KLC2: variants seen among roughly 807,000 people sequenced by gnomAD.
The protein encoded by KLC2 is KLC 2.
In KLC2, 35 loss-of-function variants were observed where a neutral mutation model predicts 75.1. The ratio of observed to expected loss-of-function variants is 0.47; its 90% CI spans 0.36 to 0.62. KLC2 has a LOEUF of 0.62. Among genes scored for constraint, KLC2 ranks in the 20% least tolerant of loss-of-function variants. KLC2 has a pLI of 0.00. For synonymous variants in KLC2, 314 were observed against 336.7 expected, an observed-to-expected ratio of 0.93 and a Z score of 0.74; for missense variants, 611 against 833.2, an observed-to-expected ratio of 0.73 and a Z score of 3.28.
the KLC2 span, among the ~76,000 whole-genome samples, chr11:66,247,555 G>A: frequency 6.6e-6 from 1 of 151,958 alleles, no homozygotes; most frequent in African/African-American, 2.4e-5. Flanking sequence ...CCTCAGGCCC[G>A]TGTGGCTTGC....
intron 2 of KLC2, chr11:66,260,881 C>T (rs1004048117): frequency 2.6e-5 from 4 of 152,076 alleles, no homozygotes; most frequent in Non-Finnish European, 5.9e-5. Flanking sequence ...AGGCGTGAGC[C>T]ACCGTGCCTG....
At chr11:66,257,417 C>T (rs918992671), upstream of KLC2, 3 of 152,468 alleles carry the variant, frequency 2.0e-5, no homozygotes, top group African/African-American at 7.2e-5. Context: ...CTCTGTACTC[C>T]AGGAAGCCCA....
In KLC2 at chr11:66,261,873, G is replaced by A. The variant is rs1856453759; in HGVS notation, c.360G>A (p.Leu120=). ...AGCTGGCGGGGACACAGCAGAAGCT[G>A]CAGCGCAGTGAGCAGGCCGTGGCCC... ...REELAGTQQK[L]QRSEQAVAQL... The change falls in exon 3 of 16, where the codon CTG becomes CTA. Residue 120 remains leucine, a synonymous_variant. Transcript: ENST00000394067. The A allele has an allele frequency of 6.2e-7, 1 of 1,614,174 alleles. No individual in the cohort carries two copies. The highest frequency in any genetic ancestry group is 8.5e-7 in the Non-Finnish European group (1 of 1,180,038).
rs1291400587 is a variant in KLC2 at position 66,267,723 on chromosome 11, C to T, written c.*767C>T. 9.9e-6 allele frequency: 5 copies of T among 506,298 alleles called. No homozygotes were observed. Among genetic ancestry groups the T allele is most frequent in the African/African-American group, 2.0e-5 (1 of 49,368 alleles). 31.4% of individuals were successfully genotyped at this position (506,298 alleles called of 1,614,324 possible). On this transcript the variant is annotated 3_prime_UTR_variant, in exon 16 of 16. Transcript: ENST00000394067. ...CGCCCACCGAGCCATCCTGCCTCGCCTCCCCCCACGCCTGCAGCTTCTCGC... is the reference window on the plus strand; with the variant it reads ...CGCCCACCGAGCCATCCTGCCTCGCTTCCCCCCACGCCTGCAGCTTCTCGC...
chr11:66,257,271 A>G (rs1856077830), upstream of KLC2: 1 of 152,162 alleles, frequency 6.6e-6, no homozygotes, highest in African/African-American at 2.4e-5. Flanking sequence ...TGACCCCGGG[A>G]TGCGGAGCCT....
rs1856186059 is a variant in KLC2, at chr11:66,258,751, G to C, written c.157G>C (p.Gly53Arg). The change falls in exon 2 of 16, where the codon GGC becomes CGC. Residue 53 changes from glycine (G) to arginine (R), a missense_variant. Coordinates refer to ENST00000394067, the MANE Select transcript of KLC2 (RefSeq NM_001318734.2). ...VAPEAGEAEP[G>R]SQERCILLRR... ...ACCTGAGGCCGGCGAAGCCGAGCCT[G>C]GCTCGCAGGAGCGCTGCATCCTCCT... The C allele has an allele frequency of 1.2e-6, 2 of 1,613,504 alleles. No individual in the cohort carries two copies. Among genetic ancestry groups the C allele is most frequent in the Non-Finnish European group, 1.7e-6 (2 of 1,180,018 alleles).
chr11:66,252,782 T>C (rs896262960), upstream of KLC2, among the ~76,000 whole-genome samples: 2 of 151,460 alleles, frequency 1.3e-5, no homozygotes, highest in African/African-American at 2.4e-5. Flanking sequence ...GGCTGGGAGG[T>C]CACAAGGAAG....
chr11:66,266,354 C>A (rs910147635), intron 14 of KLC2, 79 bp from the exon 15 acceptor site: 6 of 1,486,870 alleles, frequency 4.0e-6, no homozygotes, highest in South Asian at 1.3e-5. Context: ...CTGTTCCCTC[C>A]CCAGCCCCAC....
chr11:66,263,995 A>AG (rs1362798020), intron 7 of KLC2, 43 bp downstream of exon 7: 3 of 1,611,978 alleles, frequency 1.9e-6, no homozygotes, highest in African/African-American at 2.7e-5. Flanking sequence ...TCTGGGAGGC[A>AG]GGGGCCCGGG....
chr11:66,259,333 T>C (rs1172543154), intron 2 of KLC2, among the ~76,000 whole-genome samples: 3 of 152,270 alleles, frequency 2.0e-5, no homozygotes, highest in Non-Finnish European at 4.4e-5. Context: ...CAGCGAGTCT[T>C]GTCTACTGGT....
chr11:66,266,565 G>A (rs1326707403), intron 15 of KLC2, 75 bp downstream of exon 15: 3 of 1,409,884 alleles, frequency 2.1e-6, no homozygotes, highest in Middle Eastern at 1.7e-4. Flanking sequence ...CTTCCCTCCA[G>A]CATGCCTCTT....
chr11:66,262,312 T>C, intron 4 of KLC2, 120 bp downstream of exon 4: 1 of 766,240 alleles, frequency 1.3e-6, no homozygotes, highest in Middle Eastern at 3.1e-4. Flanking sequence ...CCTAGTGTGT[T>C]AGAGCTTCAA....
intron 8 of KLC2, 60 bp downstream of exon 8, chr11:66,264,279 G>A (rs1856653874): frequency 1.3e-6 from 2 of 1,567,506 alleles, no homozygotes; most frequent in South Asian, 2.3e-5. Flanking sequence ...ATGAGGTTGG[G>A]GAAGAAGGAG....
intron 15 of KLC2, 167 bp downstream of exon 15, chr11:66,266,657 C>T: frequency 1.1e-6 from 1 of 870,614 alleles, no homozygotes; most frequent in Non-Finnish European, 1.9e-6. Flanking sequence ...CCAGCCTCTC[C>T]TGGGGGTGGA....
At position 66,265,776 on chromosome 11, in the gene KLC2, G is replaced by A; in HGVS notation, c.1443+13G>A. 6.2e-7 allele frequency: 1 copy of A among 1,612,070 alleles called. No individual in the cohort carries two copies. Among genetic ancestry groups the A allele is most frequent in the Non-Finnish European group, 8.5e-7 (1 of 1,178,762 alleles). On this transcript the variant is annotated intron_variant, in intron 12 of 15. Transcript: ENST00000394067. Reference sequence around the variant, plus strand: ...TAACCGCAAGCAGGTGGGGCTCCATGCAGGAGGGGGTGGGCAGACACCTGT... The same window carrying A: ...TAACCGCAAGCAGGTGGGGCTCCATACAGGAGGGGGTGGGCAGACACCTGT...
chr11:66,248,629 A>G, the KLC2 span, among the ~76,000 whole-genome samples: 2 of 152,096 alleles, frequency 1.3e-5, no homozygotes, highest in Non-Finnish European at 2.9e-5. Flanking sequence ...ATAAATAAAT[A>G]AATGTCCCTA....
At chr11:66,253,362 ATAATT>A (rs1236207992), upstream of KLC2, among the ~76,000 whole-genome samples, 2 of 152,232 alleles carry the variant, frequency 1.3e-5, no homozygotes, top group South Asian at 2.1e-4. Context: ...AAGAAAAAGA[ATAATT>A]TAAGAAAGCA....
At position 66,263,043 on chromosome 11, in the gene KLC2, ACT is replaced by A. The variant is rs753070292; in HGVS notation, c.752+12_752+13del. ...TCCTGGCACTGGTCTATCGGTGAGGACTCTCTGGGGGTGCCCAAATTCTTCTG... is the reference window on the plus strand; with the variant it reads ...TCCTGGCACTGGTCTATCGGTGAGGACTCTGGGGGTGCCCAAATTCTTCTG... On this transcript the variant is annotated splice_region_variant and intron_variant, in intron 5 of 15. Coordinates refer to ENST00000394067, the MANE Select transcript of KLC2 (RefSeq NM_001318734.2). 21 of 1,607,042 alleles carry A rather than the reference ACT, an allele frequency of 1.3e-5. No homozygotes were observed. Among genetic ancestry groups the A allele is most frequent in the East Asian group, 2.2e-5 (1 of 44,746 alleles).
chr11:66,249,805 C>T, the KLC2 span, among the ~76,000 whole-genome samples: 6 of 152,296 alleles, frequency 3.9e-5, no homozygotes, highest in Non-Finnish European at 7.3e-5. Context: ...CATCCTGTTA[C>T]TCCAGCCAGA....
Sources: allele counts gnomAD v4.1 joint callset (sites outside exome capture counted in the v4.1 genomes callset), GRCh38; gene constraint gnomAD v4.1.1; transcripts MANE v1.5; gene names NCBI Gene and HGNC (gene_info 2026-07-23, HGNC 2026-07-21).